Variants in CAAP1 observed in about 807,000 individuals in gnomAD.
The protein encoded by CAAP1 is caspase activity and apoptosis inhibitor 1, also known as conserved anti-apoptotic protein.
Under a neutral mutation model 34.0 loss-of-function variants are expected in CAAP1, and 20 were observed. That is an observed-to-expected ratio of 0.59 (90% CI 0.41 to 0.86). The LOEUF is 0.86. Ranked by LOEUF, CAAP1 falls within the 40% of genes least tolerant of loss-of-function variation. The probability of loss-of-function intolerance (pLI) is 0.00; values close to 1 mark genes in which losing one functional copy is unlikely to be tolerated. For missense variants in CAAP1, 538 were observed against 450.5 expected, an observed-to-expected ratio of 1.19 and a Z score of -1.76; for synonymous variants, 213 against 166.7, an observed-to-expected ratio of 1.28 and a Z score of -2.14.
chr9:26,888,388 C>T (rs1026908242), intron 1 of CAAP1, among the ~76,000 whole-genome samples: 7 of 152,170 alleles, frequency 4.6e-5, no homozygotes, highest in Non-Finnish European at 7.4e-5. Flanking sequence ...ATACCATTTT[C>T]CTATGACAGT....
At chr9:26,846,473 A>G (rs542241352) in intron 5 of CAAP1, among the ~76,000 whole-genome samples, 62 of 150,818 alleles carry the variant, frequency 4.1e-4, no homozygotes, top group Non-Finnish European at 8.3e-4. Context: ...AAAGACTTAC[A>G]CTTATCTATG....
chr9:26,892,423 G>A lies in CAAP1; in HGVS notation c.293C>T (p.Ser98Phe), dbSNP rs1206655680. The A allele has an allele frequency of 3.1e-6, 5 of 1,604,734 alleles. No homozygotes were observed. The highest frequency in any genetic ancestry group is 2.2e-5 in the South Asian group (2 of 90,160). The change falls in exon 1 of 6, where the codon TCC (serine) becomes TTC (phenylalanine). Residue 98 changes from serine to phenylalanine, a missense_variant. Physicochemically the swap from Ser to Phe is radical, Grantham distance 155 (BLOSUM62 -2). Transcript: ENST00000333916. ...RSTDSSSVSGSLQQETKYILP... is the reference protein window; with the variant it reads ...RSTDSSSVSGFLQQETKYILP... ...GGGGCGCGCACGCACCTGCTGCAAG[G>A]AGCCCGAGACGCTGGAAGAGTCGGT...
chr9:26,857,047 G>C lies in CAAP1; in HGVS notation c.739+4019C>G, dbSNP rs368349360. On this transcript the variant is annotated intron_variant, in intron 5 of 5. Transcript: ENST00000333916. The stretch of plus-strand genomic sequence containing the variant: ...GTAAACTTAACATTAGCAGATACTT[G>C]ATATTTTAAAAATATTGTCTACAAA... Among the ~76,000 whole-genome samples the C allele has an allele frequency of 1.8e-4, 27 of 152,256 alleles. No homozygotes were observed. The East Asian group carries it at 3.1e-3, about 17-fold the overall frequency.
chr9:26,890,748 A>G (rs1025068007), intron 1 of CAAP1, among the ~76,000 whole-genome samples: 27 of 152,194 alleles, frequency 1.8e-4, no homozygotes, highest in African/African-American at 6.5e-4. Context: ...GATCAAGACC[A>G]TCCTGGCTAA....
At chr9:26,865,820 G>C (rs12347697) in intron 4 of CAAP1, among the ~76,000 whole-genome samples, 3,376 of 152,190 alleles carry the variant, frequency 0.022, 124 homozygotes, top group African/African-American at 0.077. Context: ...TTTCGTAGTA[G>C]TAACTAAAGA....
At chr9:26,884,923 A>G (rs1823694954) in intron 3 of CAAP1, 38 bp from the exon 4 acceptor site, 2 of 1,391,170 alleles carry the variant, frequency 1.4e-6, no homozygotes, top group Non-Finnish European at 2.0e-6. Context: ...CACACTTATA[A>G]AAACATTAAA....
chr9:26,890,955 A>AC (rs1823891039), intron 1 of CAAP1, among the ~76,000 whole-genome samples: 1 of 151,976 alleles, frequency 6.6e-6, no homozygotes, highest in African/African-American at 2.4e-5. Flanking sequence ...AAAAAAAACA[A>AC]AAAAAAAGAA....
chr9:26,876,237 C>T (rs1823424574), intron 4 of CAAP1, among the ~76,000 whole-genome samples: 2 of 152,180 alleles, frequency 1.3e-5, no homozygotes, highest in Non-Finnish European at 2.9e-5. Context: ...CTGCTTCCAG[C>T]ATCTCTTGAC....
chr9:26,879,961 T>G (rs1434215018), intron 4 of CAAP1, among the ~76,000 whole-genome samples: 1 of 152,170 alleles, frequency 6.6e-6, no homozygotes, highest in Non-Finnish European at 1.5e-5. Flanking sequence ...TCAATTCTCC[T>G]TAATAAACTC....
chr9:26,886,713 A>G (rs2131341921), intron 2 of CAAP1, among the ~76,000 whole-genome samples: 1 of 152,348 alleles, frequency 6.6e-6, no homozygotes, highest in Non-Finnish European at 1.5e-5. Context: ...TATTTCTTAA[A>G]GCACCATAAA....
At chr9:26,890,324 T>C (rs992286773) in intron 1 of CAAP1, among the ~76,000 whole-genome samples, 14 of 151,298 alleles carry the variant, frequency 9.3e-5, no homozygotes, top group African/African-American at 3.4e-4. Context: ...TGGGCTGAGA[T>C]GGTGCCACTG....
intron 1 of CAAP1, among the ~76,000 whole-genome samples, chr9:26,888,789 T>C (rs144706573): frequency 0.011 from 1,623 of 152,322 alleles, 20 homozygotes; most frequent in African/African-American, 0.037. Context: ...ACACAAAAAC[T>C]TGTACTTGTT....
At position 26,892,494 on chromosome 9, in the gene CAAP1, C is replaced by G. The variant is rs1334375274; in HGVS notation, c.222G>C (p.Trp74Cys). The G allele has an allele frequency of 6.4e-7, 1 of 1,566,824 alleles. No homozygotes were observed. Among genetic ancestry groups the G allele is most frequent in the Non-Finnish European group, 8.7e-7 (1 of 1,155,630 alleles). The change falls in exon 1 of 6, where the codon TGG (tryptophan) becomes TGC (cysteine). Residue 74 changes from tryptophan (W) to cysteine (C), a missense_variant. Physicochemically the swap from Trp to Cys is radical, Grantham distance 215. Around this residue, in one of 3 missense-constraint regions of CAAP1, gnomAD observed 514 missense variants for 408.4 expected, o/e 1.26. Coordinates refer to ENST00000333916, the MANE Select transcript of CAAP1 (RefSeq NM_024828.4). ...VTGGGSGGSC[W>C]GGSSVERSER... ...CGCTGCGCTCCACGCTGCTCCCGCC[C>G]CAACAGCTGCCGCCGCTCCCACCGC...
chr9:26,888,562 A>G (rs1759881057), intron 1 of CAAP1, among the ~76,000 whole-genome samples: 1 of 152,252 alleles, frequency 6.6e-6, no homozygotes, highest in African/African-American at 2.4e-5. Context: ...AATGAACACT[A>G]TGATAATTAG....
intron 4 of CAAP1, among the ~76,000 whole-genome samples, chr9:26,881,014 A>G (rs764994294): frequency 2.6e-5 from 4 of 152,142 alleles, no homozygotes; most frequent in Non-Finnish European, 5.9e-5. Context: ...ATCCTATTCC[A>G]TAACTTTAGA....
At chr9:26,885,291 G>A (rs1312633173) in intron 3 of CAAP1, among the ~76,000 whole-genome samples, 1 of 151,738 alleles carries the variant, frequency 6.6e-6, no homozygotes, top group Admixed American at 6.6e-5. Flanking sequence ...TGGCCAAGCT[G>A]GTCTCGAACT....
intron 2 of CAAP1, 29 bp downstream of exon 2, chr9:26,887,284 T>C (rs1020535719): frequency 7.3e-7 from 1 of 1,377,250 alleles, no homozygotes; most frequent in Non-Finnish European, 9.8e-7. Context: ...TTTCTACATA[T>C]GTATCTAGTC....
chr9:26,868,860 A>C (rs1429058314), intron 4 of CAAP1, among the ~76,000 whole-genome samples: 3 of 152,232 alleles, frequency 2.0e-5, no homozygotes, highest in African/African-American at 4.8e-5. Flanking sequence ...AACTAAATGC[A>C]ATGTGTACTC....
At chr9:26,868,563 A>G (rs1823195028) in intron 4 of CAAP1, among the ~76,000 whole-genome samples, 1 of 152,216 alleles carries the variant, frequency 6.6e-6, no homozygotes, top group Non-Finnish European at 1.5e-5. Flanking sequence ...GAAAATAAAT[A>G]TGTGTTGCTT....
Sources: gnomAD v4.1 joint callset for allele counts (sites outside exome capture counted in the v4.1 genomes callset) on GRCh38, gnomAD v4.1.1 for gene constraint, gnomAD v4.1.1 regional missense constraint, MANE v1.5 for transcripts, NCBI Gene and HGNC (gene_info 2026-07-23, HGNC 2026-07-21) for gene names.